NRXN3: variants seen among roughly 807,000 people sequenced by gnomAD.
NRXN3 encodes the protein neurexin 3.
Under a neutral mutation model 137.6 loss-of-function variants are expected in NRXN3, and 32 were observed. The observed-to-expected ratio is 0.23, with a 90% CI of 0.18 to 0.31. The LOEUF (loss-of-function observed/expected upper bound fraction) is 0.31, where lower values mean the gene tolerates loss of function less well. NRXN3 is among the 10% of genes least tolerant of loss of function. The pLI is 1.00. For synonymous variants in NRXN3, 798 were observed against 784.5 expected (o/e 1.02, Z -0.29); for missense variants, 1,574 against 2,062.5 (o/e 0.76, Z 4.59).
intron 15 of NRXN3, among the ~76,000 whole-genome samples, chr14:79,273,459 C>A (rs1339296931): frequency 1.3e-5 from 2 of 151,678 alleles, no homozygotes; most frequent in African/African-American, 4.8e-5. Context: ...ATGGTGAAAC[C>A]CCGTCTCTAC....
chr14:79,866,126 T>C lies in NRXN3; in HGVS notation c.*4162T>C, dbSNP rs1168280895. ...CCTTTTTGTCTCTTGTATAAATCTA[T>C]ACAGGTCCAGTCTCTCTTTGCTCAT... On this transcript the variant is annotated 3_prime_UTR_variant, in exon 21 of 21. Coordinates refer to ENST00000335750, the MANE Select transcript of NRXN3 (RefSeq NM_001330195.2). 1.3e-5 allele frequency: 2 copies of C among 152,224 alleles called. No individual in the cohort carries two copies. Among genetic ancestry groups the C allele is most frequent in the Non-Finnish European group, 2.9e-5 (2 of 68,038 alleles). The allele number at this position is 152,224 out of a possible 1,614,324, so 9.4% of individuals were successfully genotyped here. A position where few individuals can be genotyped will look rare whatever the true frequency, so the allele number is the denominator to read the frequency against.
chr14:78,545,978 C>T (rs2096633231), intron 4 of NRXN3, among the ~76,000 whole-genome samples: 1 of 152,178 alleles, frequency 6.6e-6, no homozygotes, highest in South Asian at 2.1e-4. Context: ...ATTCTCCTTC[C>T]TGTAAATTAT....
At chr14:78,515,653 T>C (rs757357061) in intron 4 of NRXN3, among the ~76,000 whole-genome samples, 5 of 151,938 alleles carry the variant, frequency 3.3e-5, no homozygotes, top group Middle Eastern at 3.4e-3. Context: ...ACAGATCCAA[T>C]AGAGGAAAAA....
intron 15 of NRXN3, among the ~76,000 whole-genome samples, chr14:79,379,621 G>A (rs1341498240): frequency 3.9e-5 from 6 of 152,108 alleles, no homozygotes; most frequent in Non-Finnish European, 8.8e-5. Flanking sequence ...TTTATGGTGG[G>A]AGCTTCTATC....
intron 20 of NRXN3, among the ~76,000 whole-genome samples, chr14:79,838,192 C>A (rs2099348327): frequency 6.6e-6 from 1 of 152,130 alleles, no homozygotes; most frequent in Non-Finnish European, 1.5e-5. Context: ...AACTTTCAGA[C>A]TTAAGACTCA....
chr14:79,358,645 G>GAAAGAAAA (rs1555397596), intron 15 of NRXN3, among the ~76,000 whole-genome samples: 57 of 150,730 alleles, frequency 3.8e-4, no homozygotes, highest in Non-Finnish European at 7.4e-4. Flanking sequence ...AAGAAAGAAA[G>GAAAGAAAA]AAAGAAAGAA....
intron 4 of NRXN3, among the ~76,000 whole-genome samples, chr14:78,382,782 T>C (rs1279861640): frequency 6.6e-6 from 1 of 152,158 alleles, no homozygotes; most frequent in African/African-American, 2.4e-5. Context: ...GTACTTAGGA[T>C]TCTAAAGTAA....
chr14:78,502,403 A>C (rs1244918475), intron 4 of NRXN3, among the ~76,000 whole-genome samples: 1 of 152,154 alleles, frequency 6.6e-6, no homozygotes, highest in Non-Finnish European at 1.5e-5. Flanking sequence ...GCTTGAGCCA[A>C]CACATTCCAT....
At chr14:78,662,803 A>C (rs1279653905) in intron 6 of NRXN3, among the ~76,000 whole-genome samples, 1 of 152,178 alleles carries the variant, frequency 6.6e-6, no homozygotes. Flanking sequence ...CCTTGTGGTA[A>C]GAGTTGAGGT....
chr14:79,794,338 T>G (rs934196417), intron 19 of NRXN3, among the ~76,000 whole-genome samples: 8 of 151,968 alleles, frequency 5.3e-5, no homozygotes, highest in African/African-American at 1.9e-4. Flanking sequence ...CACTCCAGCC[T>G]GGGCGACAGA....
chr14:79,748,421 T>A (rs563846344), intron 19 of NRXN3, among the ~76,000 whole-genome samples: 23 of 152,200 alleles, frequency 1.5e-4, no homozygotes, highest in African/African-American at 3.6e-4. Flanking sequence ...ACGGTTGACA[T>A]TGGAAGAGCA....
At chr14:78,228,301 C>T (rs978611844) in intron 1 of NRXN3, among the ~76,000 whole-genome samples, 8 of 151,884 alleles carry the variant, frequency 5.3e-5, no homozygotes, top group Non-Finnish European at 8.8e-5. Flanking sequence ...GGATTACAGG[C>T]GCCTGCCACT....
At chr14:79,184,872 G>T (rs1270549005) in intron 15 of NRXN3, among the ~76,000 whole-genome samples, 2 of 152,160 alleles carry the variant, frequency 1.3e-5, no homozygotes, top group Non-Finnish European at 2.9e-5. Context: ...TATATGAAAA[G>T]ATGAGATGAA....
chr14:79,695,942 T>C (rs962320380), intron 18 of NRXN3, among the ~76,000 whole-genome samples: 3 of 152,140 alleles, frequency 2.0e-5, no homozygotes, highest in Non-Finnish European at 4.4e-5. Flanking sequence ...ATTTTCACTA[T>C]AACAAAGTTC....
intron 4 of NRXN3, among the ~76,000 whole-genome samples, chr14:78,419,558 A>G (rs1455603498): frequency 6.6e-6 from 1 of 152,100 alleles, no homozygotes; most frequent in Non-Finnish European, 1.5e-5. Context: ...CCATCCATCC[A>G]GATCTCCCTC....
chr14:78,834,057 G>C (rs2098989506), intron 10 of NRXN3, among the ~76,000 whole-genome samples: 1 of 152,164 alleles, frequency 6.6e-6, no homozygotes, highest in Admixed American at 6.5e-5. Flanking sequence ...AACACAGTAG[G>C]TGGGTTTGCA....
chr14:78,349,249 G>A (rs529216428), intron 4 of NRXN3, among the ~76,000 whole-genome samples: 246 of 152,286 alleles, frequency 1.6e-3, no homozygotes, highest in African/African-American at 5.8e-3. Context: ...TCTGGTGCAG[G>A]GGCAAGACTG....
At chr14:79,149,829 G>A (rs2059640012) in intron 15 of NRXN3, among the ~76,000 whole-genome samples, 1 of 152,036 alleles carries the variant, frequency 6.6e-6, no homozygotes, top group Non-Finnish European at 1.5e-5. Flanking sequence ...GCACAGGGAG[G>A]GGAATAACAA....
At chr14:78,559,219 A>G (rs932922076) in intron 4 of NRXN3, among the ~76,000 whole-genome samples, 15 of 152,226 alleles carry the variant, frequency 9.9e-5, no homozygotes, top group Non-Finnish European at 1.9e-4. Flanking sequence ...ATACCCTTGT[A>G]AGATATGTAA....
Sources: gnomAD v4.1 joint callset for allele counts (sites outside exome capture counted in the v4.1 genomes callset) on GRCh38, gnomAD v4.1.1 for gene constraint, MANE v1.5 for transcripts, NCBI Gene and HGNC (gene_info 2026-07-23, HGNC 2026-07-21) for gene names.